Variants in DOCK9 observed in about 807,000 individuals in gnomAD.
DOCK9 encodes the protein dedicator of cytokinesis protein 9.
A neutral mutation model predicts 263.3 loss-of-function variants in DOCK9; 89 were observed. The observed-to-expected ratio is 0.34, with a 90% CI of 0.28 to 0.40. The LOEUF (loss-of-function observed/expected upper bound fraction) is 0.40. Among genes scored for constraint, DOCK9 ranks in the 10% least tolerant of loss-of-function variants. DOCK9 has a pLI of 1.00. For synonymous variants in DOCK9, 976 were observed against 973.1 expected, an observed-to-expected ratio of 1.00 and a Z score of -0.06; for missense variants, 2,140 against 2,603.4, an observed-to-expected ratio of 0.82 and a Z score of 3.87.
At chr13:98,903,323 G>T (rs984766892) in intron 10 of DOCK9, among the ~76,000 whole-genome samples, 5 of 152,276 alleles carry the variant, frequency 3.3e-5, no homozygotes, top group African/African-American at 9.6e-5. Context: ...GCCGGGCACG[G>T]TGGCTCACGC....
intron 1 of DOCK9, among the ~76,000 whole-genome samples, chr13:98,986,529 T>C (rs1224464672): frequency 2.0e-5 from 3 of 152,258 alleles, no homozygotes; most frequent in African/African-American, 7.2e-5. Flanking sequence ...TGACCGTGTA[T>C]AGTAATAACA....
chr13:98,960,569 C>T (rs1182697819), intron 1 of DOCK9, among the ~76,000 whole-genome samples: 2 of 152,158 alleles, frequency 1.3e-5, no homozygotes, highest in South Asian at 2.1e-4. Context: ...TAGTCCATAA[C>T]GGTGGTTCTG....
chr13:98,845,736 T>C (rs767395638), intron 38 of DOCK9, among the ~76,000 whole-genome samples, 188 bp downstream of exon 38: 2 of 152,174 alleles, frequency 1.3e-5, no homozygotes, highest in African/African-American at 2.4e-5. Flanking sequence ...ACGTTCCACA[T>C]TGTGTCACTC....
intron 9 of DOCK9, among the ~76,000 whole-genome samples, chr13:98,909,386 T>C (rs959526442): frequency 2.0e-5 from 3 of 152,198 alleles, no homozygotes. Flanking sequence ...CTCTGTGTCT[T>C]AAATTTATTT....
chr13:99,012,819 A>C (rs1368100050), intron 1 of DOCK9, among the ~76,000 whole-genome samples: 2 of 152,092 alleles, frequency 1.3e-5, no homozygotes, highest in Non-Finnish European at 2.9e-5. Context: ...TTAGAAGCAC[A>C]CCTCTAGGGA....
At chr13:98,844,974 G>C (rs1252670380) in intron 38 of DOCK9, among the ~76,000 whole-genome samples, 3 of 152,344 alleles carry the variant, frequency 2.0e-5, no homozygotes, top group Non-Finnish European at 2.9e-5. Flanking sequence ...ATAACTAGCT[G>C]TGTCATGCTT....
intron 13 of DOCK9, among the ~76,000 whole-genome samples, chr13:98,901,015 A>G (rs1278995967): frequency 1.4e-4 from 22 of 152,342 alleles, no homozygotes; most frequent in Non-Finnish European, 2.9e-4. Context: ...AAAAATATGT[A>G]AAACTGGCAA....
At chr13:98,924,495 A>C (rs1214548171) in intron 4 of DOCK9, among the ~76,000 whole-genome samples, 1 of 152,242 alleles carries the variant, frequency 6.6e-6, no homozygotes, top group Non-Finnish European at 1.5e-5. Flanking sequence ...TCAATTTGCC[A>C]ACTGCTATGG....
At position 98,904,936 on chromosome 13, in the gene DOCK9, C is replaced by G. The variant is rs143491697; in HGVS notation, c.961-230G>C. On this transcript the variant is annotated intron_variant, in intron 9 of 52. Transcript: ENST00000682017. ...CCCTTCTGAAGCTCACAACCAGTGGCAGAGTCAAAGTCAACACAAAGAAAG... is the reference window on the plus strand; with the variant it reads ...CCCTTCTGAAGCTCACAACCAGTGGGAGAGTCAAAGTCAACACAAAGAAAG... 8.9e-4 allele frequency among the ~76,000 whole-genome samples: 135 copies of G among 152,244 alleles called. 6 individuals are homozygous for G. In the East Asian group the frequency reaches 0.023, roughly 26 times the overall value.
chr13:98,859,440 G>C (rs2093792666), intron 33 of DOCK9: 1 of 152,002 alleles, frequency 6.6e-6, no homozygotes, highest in East Asian at 1.9e-4. Flanking sequence ...ATTGGTGTGG[G>C]GTTTCTCATG....
rs1414263721 is a variant in DOCK9, at chr13:98,869,866, T to C, written c.2944-1489A>G. 2.0e-5 allele frequency among the ~76,000 whole-genome samples: 3 copies of C among 152,268 alleles called. No homozygotes were observed. In the East Asian group the frequency reaches 5.8e-4, roughly 29 times the overall value. ...CCTTGTTCCTTCCTGTGCCACTGCC[T>C]GGACTGTGCTGTGGCAGTGAGCCAG... is the stretch of plus-strand genomic sequence containing the variant. On this transcript the variant is annotated intron_variant, in intron 27 of 52. Transcript: ENST00000682017.
upstream of DOCK9, among the ~76,000 whole-genome samples, chr13:98,981,330 T>C (rs1877149897): frequency 6.6e-6 from 1 of 152,204 alleles, no homozygotes; most frequent in Non-Finnish European, 1.5e-5. Flanking sequence ...GTGTGGGGAT[T>C]ATAGATGTGA....
intron 38 of DOCK9, 40 bp from the exon 39 acceptor site, chr13:98,837,649 A>G: frequency 1.4e-6 from 2 of 1,462,350 alleles, no homozygotes; most frequent in African/African-American, 1.4e-5. Context: ...CCAGTGGTTC[A>G]GAAGGCAAGG....
rs145687696 is a variant in DOCK9, at chr13:98,852,456, C to T, written c.3946+952G>A. ...GGGTTGGGGAAAAAAAAAAGCCAGG[C>T]TGTTAATGCTGCTGAAATGGAAGCT... On this transcript the variant is annotated intron_variant, in intron 35 of 52. Coordinates refer to ENST00000682017, the MANE Select transcript of DOCK9 (RefSeq NM_001366683.2). 1.2e-3 allele frequency among the ~76,000 whole-genome samples: 177 copies of T among 152,074 alleles called. 2 individuals carry two copies. The highest frequency in any genetic ancestry group is 8.3e-3 in the Admixed American group (127 of 15,280).
intron 27 of DOCK9, among the ~76,000 whole-genome samples, chr13:98,875,613 A>G (rs1175689324): frequency 2.0e-5 from 3 of 152,246 alleles, no homozygotes; most frequent in Non-Finnish European, 2.9e-5. Context: ...TGCTAAATAT[A>G]CATGGTGGAA....
At position 98,897,541 on chromosome 13, in the gene DOCK9, G is replaced by C; in HGVS notation, c.1656C>G (p.Asp552Glu). 6.2e-7 allele frequency: 1 copy of C among 1,613,992 alleles called. No individual in the cohort carries two copies. The highest frequency in any genetic ancestry group is 2.2e-5 in the East Asian group (1 of 44,886). Reference protein sequence around the residue: ...NARFSAIYRQDSNKLSNDDML... With the variant: ...NARFSAIYRQESNKLSNDDML... ...TGTCATCATTGGATAGCTTATTGCT[G>C]TCTTGCCTGTAGATGGCAGAAAATC... The change falls in exon 15 of 53, where the codon GAC becomes GAG. Residue 552 changes from aspartate to glutamate, a missense_variant. Coordinates refer to ENST00000682017, the MANE Select transcript of DOCK9 (RefSeq NM_001366683.2).
In DOCK9 at chr13:98,881,643, G is replaced by T. The variant is rs2296994; in HGVS notation, c.2676-16C>A. On this transcript the variant is annotated splice_polypyrimidine_tract_variant and intron_variant, in intron 24 of 52. Coordinates refer to ENST00000682017, the MANE Select transcript of DOCK9 (RefSeq NM_001366683.2). The stretch of plus-strand genomic sequence containing the variant: ...AATAATGACCCTACACACCACAGGA[G>T]TGAATAAAGCAAAGAATATGTAAAA... 1.3e-6 allele frequency: 2 copies of T among 1,599,140 alleles called. No individual in the cohort carries two copies. The highest frequency in any genetic ancestry group is 1.1e-5 in the South Asian group (1 of 87,764).
At chr13:98,882,919 C>T (rs1211476470) in intron 23 of DOCK9, 123 bp downstream of exon 23, 9 of 738,158 alleles carry the variant, frequency 1.2e-5, no homozygotes, top group Non-Finnish European at 1.8e-5. Flanking sequence ...CTCATAGAAG[C>T]TACTGATGTG....
intron 9 of DOCK9, among the ~76,000 whole-genome samples, chr13:98,908,307 C>T (rs533391302): frequency 6.6e-6 from 1 of 152,056 alleles, no homozygotes; most frequent in Non-Finnish European, 1.5e-5. Flanking sequence ...CCTTTTGGGA[C>T]GGTAACCTGG....
Sources: allele counts gnomAD v4.1 joint callset (sites outside exome capture counted in the v4.1 genomes callset), GRCh38; gene constraint gnomAD v4.1.1; transcripts MANE v1.5; gene names NCBI Gene and HGNC (gene_info 2026-07-23, HGNC 2026-07-21).